MRC1: variants seen among roughly 807,000 people sequenced by gnomAD.
MRC1 encodes the protein mannose receptor C-type 1.
A neutral mutation model predicts 102.9 loss-of-function variants in MRC1; 62 were observed. That is an observed-to-expected ratio of 0.60 (90% CI 0.49 to 0.74). MRC1 has a LOEUF of 0.74. MRC1 is among the 30% of genes least tolerant of loss of function. The pLI is 0.00. For synonymous variants in MRC1, 457 were observed against 298.4 expected (o/e 1.53, Z -5.48); for missense variants, 1,237 against 862.8 (o/e 1.43, Z -5.43).
chr10:17,818,137 G>A (rs1280880124), intron 1 of MRC1, among the ~76,000 whole-genome samples: 2 of 152,160 alleles, frequency 1.3e-5, no homozygotes, highest in Non-Finnish European at 2.9e-5. Flanking sequence ...CTTTTTGTAA[G>A]TATACACATT....
At chr10:17,820,560 A>G (rs960596763) in intron 1 of MRC1, among the ~76,000 whole-genome samples, 60 of 152,360 alleles carry the variant, frequency 3.9e-4, no homozygotes, top group African/African-American at 1.4e-3. Flanking sequence ...TGACCAGTTA[A>G]TAAGACTGTT....
At chr10:17,899,052 A>G (rs1833793694) in intron 24 of MRC1, among the ~76,000 whole-genome samples, 1 of 152,148 alleles carries the variant, frequency 6.6e-6, no homozygotes, top group Admixed American at 6.6e-5. Context: ...AGAAAAAGCC[A>G]AAGTTTATAG....
chr10:17,859,795 G>C (rs1052757675), intron 9 of MRC1, among the ~76,000 whole-genome samples: 1 of 152,114 alleles, frequency 6.6e-6, no homozygotes, highest in African/African-American at 2.4e-5. Context: ...TTAATTTTTT[G>C]GCTGTGGGTT....
intron 1 of MRC1, among the ~76,000 whole-genome samples, chr10:17,820,535 T>C (rs1391941111): frequency 1.3e-5 from 2 of 152,234 alleles, no homozygotes; most frequent in African/African-American, 4.8e-5. Flanking sequence ...TGCCAATCAG[T>C]TAATTGACTG....
chr10:17,840,710 A>T lies in MRC1; in HGVS notation c.820A>T (p.Thr274Ser), dbSNP rs1306243679. 1.3e-6 allele frequency: 1 copy of T among 780,716 alleles called. No individual in the cohort carries two copies. The highest frequency in any genetic ancestry group is 2.4e-6 in the Non-Finnish European group (1 of 417,960). 48.4% of individuals were successfully genotyped at this position (780,716 alleles called of 1,614,324 possible). A position where few individuals can be genotyped will look rare whatever the true frequency, so the allele number is the denominator to read the frequency against. Residue 274 changes from threonine to serine, a missense_variant, in exon 5 of 30, where the codon ACC becomes TCC. By Grantham distance (58) the Thr-to-Ser change is moderately conservative. Coordinates refer to ENST00000569591, the MANE Select transcript of MRC1 (RefSeq NM_002438.4). Reference protein sequence around the residue: ...TYLTGLTSSLTSGLWIGLNSL... With the variant: ...TYLTGLTSSLSSGLWIGLNSL... The stretch of plus-strand genomic sequence containing the variant: ...AAATATAGGATTAACCAGTTCCTTG[A>T]CCTCAGGACTCTGGATTGGACTTAA...
chr10:17,898,312 T>C, intron 24 of MRC1, 46 bp downstream of exon 24: 3 of 780,724 alleles, frequency 3.8e-6, no homozygotes, highest in Admixed American at 1.7e-5. Context: ...CAGTGAATTA[T>C]GGTTGAATAT....
At chr10:17,850,430 G>A (rs949119635) in intron 7 of MRC1, among the ~76,000 whole-genome samples, 2 of 151,776 alleles carry the variant, frequency 1.3e-5, no homozygotes, top group African/African-American at 2.4e-5. Flanking sequence ...GCAAGACCTC[G>A]TCTCTACTAA....
chr10:17,829,957 T>C (rs891826977), intron 3 of MRC1, among the ~76,000 whole-genome samples: 2 of 151,530 alleles, frequency 1.3e-5, no homozygotes, highest in Non-Finnish European at 2.9e-5. Context: ...ACTGTCAAAT[T>C]ATATATTTTT....
At chr10:17,901,098 T>C (rs1271230510) in intron 25 of MRC1, 145 bp downstream of exon 25, 3 of 672,432 alleles carry the variant, frequency 4.5e-6, no homozygotes, top group Non-Finnish European at 5.4e-6. Context: ...CAAAAGACTA[T>C]CTTTATAAAC....
chr10:17,847,926 C>CTTTTTTT (rs5783563), intron 6 of MRC1, among the ~76,000 whole-genome samples: 3 of 147,394 alleles, frequency 2.0e-5, no homozygotes, highest in Non-Finnish European at 3.0e-5. Context: ...TCTTTTTCTT[C>CTTTTTTT]TTTTTTTTTT....
intron 9 of MRC1, among the ~76,000 whole-genome samples, chr10:17,856,714 G>A (rs1833098705): frequency 6.6e-6 from 1 of 152,112 alleles, no homozygotes; most frequent in African/African-American, 2.4e-5. Context: ...GTCTACTATA[G>A]TCTGTCATCC....
At chr10:17,813,557 G>A (rs1215970518) in intron 1 of MRC1, among the ~76,000 whole-genome samples, 1 of 150,114 alleles carries the variant, frequency 6.7e-6, no homozygotes. Context: ...TTTTAAATTT[G>A]TTCTCCATCT....
At chr10:17,848,865 G>A (rs1838868775) in intron 6 of MRC1, among the ~76,000 whole-genome samples, 1 of 152,130 alleles carries the variant, frequency 6.6e-6, no homozygotes, top group East Asian at 1.9e-4. Flanking sequence ...GACTCATGTG[G>A]CTATGGTGGC....
At chr10:17,816,097 A>G (rs1259938087) in intron 1 of MRC1, among the ~76,000 whole-genome samples, 1 of 152,028 alleles carries the variant, frequency 6.6e-6, no homozygotes, top group Non-Finnish European at 1.5e-5. Context: ...CAACATTTCT[A>G]AGCCTAAGAC....
intron 3 of MRC1, among the ~76,000 whole-genome samples, chr10:17,829,925 T>C (rs1366922309): frequency 6.6e-6 from 1 of 151,560 alleles, no homozygotes; most frequent in African/African-American, 2.5e-5. Flanking sequence ...TTTTTAGTCT[T>C]ATTACTTGTA....
intron 6 of MRC1, among the ~76,000 whole-genome samples, chr10:17,845,944 C>T (rs1838819654): frequency 6.6e-6 from 1 of 152,184 alleles, no homozygotes; most frequent in Non-Finnish European, 1.5e-5. Context: ...GAGTCTCATT[C>T]TGTCACCCAG....
At chr10:17,882,202 G>C (rs988986916) in intron 21 of MRC1, among the ~76,000 whole-genome samples, 1 of 152,186 alleles carries the variant, frequency 6.6e-6, no homozygotes, top group African/African-American at 2.4e-5. Context: ...ACTGATGAAG[G>C]GTTTCGAAAT....
At chr10:17,877,873 A>G in intron 17 of MRC1, 27 bp from the exon 18 acceptor site, 1 of 872,042 alleles carries the variant, frequency 1.1e-6, no homozygotes, top group Admixed American at 1.7e-5. Flanking sequence ...TTCTAAATTA[A>G]ACTATACGTA....
intron 1 of MRC1, among the ~76,000 whole-genome samples, chr10:17,820,069 A>C (rs1165723215): frequency 6.6e-6 from 1 of 152,092 alleles, no homozygotes; most frequent in Admixed American, 6.5e-5. Context: ...TGACTGGATG[A>C]GGCCCACCCA....
Sources: gnomAD v4.1 joint callset for allele counts (sites outside exome capture counted in the v4.1 genomes callset) on GRCh38, gnomAD v4.1.1 for gene constraint, MANE v1.5 for transcripts, NCBI Gene and HGNC (gene_info 2026-07-23, HGNC 2026-07-21) for gene names.